The following DNER variants were observed in gnomAD, a reference collection of about 807,000 sequenced individuals.
DNER encodes the protein delta/notch like EGF repeat containing.
In DNER, 33 loss-of-function variants were observed where a neutral mutation model predicts 78.2. The observed-to-expected ratio is 0.42, with a 90% confidence interval of 0.32 to 0.56. The LOEUF is 0.56. DNER is among the 20% of genes least tolerant of loss of function. The pLI is 0.11. For missense variants in DNER, 918 were observed against 975.3 expected (o/e 0.94, Z 0.78); for synonymous variants, 417 against 384.8 (o/e 1.08, Z -0.98).
intron 1 of DNER, among the ~76,000 whole-genome samples, chr2:229,652,090 T>C (rs954419372): frequency 2.0e-5 from 3 of 152,076 alleles, no homozygotes; most frequent in African/African-American, 7.3e-5. Context: ...TACTTAATGA[T>C]AGAATCAAAG....
chr2:229,427,105 A>G (rs946495588), intron 8 of DNER, among the ~76,000 whole-genome samples: 2 of 152,248 alleles, frequency 1.3e-5, no homozygotes, highest in African/African-American at 2.4e-5. Flanking sequence ...TGAAAGGACT[A>G]AAGACAGAGG....
At chr2:229,487,296 C>T (rs1474010383) in intron 6 of DNER, among the ~76,000 whole-genome samples, 1 of 152,218 alleles carries the variant, frequency 6.6e-6, no homozygotes, top group Non-Finnish European at 1.5e-5. Flanking sequence ...ACTATAAATA[C>T]TCATTATATA....
At chr2:229,469,718 G>A (rs568112988) in intron 7 of DNER, among the ~76,000 whole-genome samples, 16 of 152,172 alleles carry the variant, frequency 1.1e-4, no homozygotes, top group African/African-American at 3.1e-4. Context: ...CAAGGCAGGC[G>A]GATCACCTGA....
intron 11 of DNER, among the ~76,000 whole-genome samples, chr2:229,374,719 T>C (rs1692560240): frequency 6.6e-6 from 1 of 152,154 alleles, no homozygotes. Context: ...AGCCACACAC[T>C]TCAATCAATA....
intron 9 of DNER, among the ~76,000 whole-genome samples, chr2:229,413,354 G>A (rs1279755521): frequency 2.7e-5 from 3 of 111,406 alleles, no homozygotes; most frequent in Admixed American, 1.2e-4. Flanking sequence ...ACGGAGTCTC[G>A]CTCTGTCACC....
At chr2:229,480,011 A>G (rs1338888994) in intron 6 of DNER, among the ~76,000 whole-genome samples, 1 of 152,220 alleles carries the variant, frequency 6.6e-6, no homozygotes, top group Non-Finnish European at 1.5e-5. Context: ...ACCATGACCC[A>G]CAGCCAGCAG....
intron 11 of DNER, among the ~76,000 whole-genome samples, chr2:229,378,740 A>G (rs1189109523): frequency 1.3e-5 from 2 of 152,192 alleles, no homozygotes; most frequent in African/African-American, 2.4e-5. Context: ...AGTTAGAAAG[A>G]GACCTCAGAG....
chr2:229,609,153 G>A (rs757162784), intron 1 of DNER, among the ~76,000 whole-genome samples: 6 of 152,188 alleles, frequency 3.9e-5, no homozygotes, highest in Non-Finnish European at 5.9e-5. Context: ...AACCCAGGAG[G>A]CAGAGGTTGC....
chr2:229,691,477 A>G (rs1189000406), intron 1 of DNER, among the ~76,000 whole-genome samples: 1 of 152,048 alleles, frequency 6.6e-6, no homozygotes, highest in African/African-American at 2.4e-5. Context: ...CTTCCCGTTC[A>G]AAGATTGGAG....
intron 7 of DNER, among the ~76,000 whole-genome samples, chr2:229,453,284 G>C (rs185586198): frequency 2.6e-4 from 39 of 152,326 alleles, no homozygotes; most frequent in Non-Finnish European, 1.6e-4. Context: ...GTTTTCAGAT[G>C]GGGGGACAAT....
At chr2:229,683,657 T>C (rs1367660131) in intron 1 of DNER, among the ~76,000 whole-genome samples, 1 of 152,150 alleles carries the variant, frequency 6.6e-6, no homozygotes, top group East Asian at 1.9e-4. Flanking sequence ...GTGGTGATGA[T>C]GATGATGGTG....
intron 5 of DNER, among the ~76,000 whole-genome samples, chr2:229,529,348 C>T (rs1458862485): frequency 6.6e-6 from 1 of 152,178 alleles, no homozygotes; most frequent in Non-Finnish European, 1.5e-5. Context: ...AAGCCCCACC[C>T]TTGATCTCCT....
At chr2:229,674,503 T>A (rs1256403009) in intron 1 of DNER, among the ~76,000 whole-genome samples, 19 of 152,194 alleles carry the variant, frequency 1.2e-4, no homozygotes, top group Admixed American at 1.2e-3. Context: ...GGCCTCGAAC[T>A]CCTGACCTCA....
intron 10 of DNER, among the ~76,000 whole-genome samples, chr2:229,391,549 C>CT (rs980670845): frequency 6.0e-5 from 9 of 150,612 alleles, no homozygotes; most frequent in East Asian, 3.9e-4. Context: ...TTTCTTTTTT[C>CT]TTTTTTTTTG....
At chr2:229,373,783 T>G (rs1166887498) in intron 11 of DNER, among the ~76,000 whole-genome samples, 1 of 152,172 alleles carries the variant, frequency 6.6e-6, no homozygotes, top group East Asian at 1.9e-4. Context: ...AATCATGTCA[T>G]TTGCAGCAAT....
chr2:229,499,264 G>A (rs1028389712), intron 6 of DNER, among the ~76,000 whole-genome samples: 1 of 151,952 alleles, frequency 6.6e-6, no homozygotes, highest in Non-Finnish European at 1.5e-5. Context: ...TGGCCAATAT[G>A]GTGAAATCCT....
intron 1 of DNER, among the ~76,000 whole-genome samples, chr2:229,710,988 C>CAT: frequency 6.7e-6 from 1 of 149,038 alleles, no homozygotes; most frequent in African/African-American, 2.5e-5. Flanking sequence ...CACGCGCACA[C>CAT]ACACACACAC....
chr2:229,667,514 T>A (rs1222588864), intron 1 of DNER, among the ~76,000 whole-genome samples: 1 of 152,066 alleles, frequency 6.6e-6, no homozygotes, highest in African/African-American at 2.4e-5. Context: ...TTGCCCAGGG[T>A]CACGTGTACC....
At chr2:229,523,859 A>T (rs894461092) in intron 5 of DNER, among the ~76,000 whole-genome samples, 2 of 152,244 alleles carry the variant, frequency 1.3e-5, no homozygotes, top group Admixed American at 1.3e-4. Context: ...GATGCATGAA[A>T]CATAGCTCAT....
Sources: allele counts gnomAD v4.1 joint callset (sites outside exome capture counted in the v4.1 genomes callset), GRCh38; gene constraint gnomAD v4.1.1; transcripts MANE v1.5; gene names NCBI Gene and HGNC (gene_info 2026-07-23, HGNC 2026-07-21).